FLT3: variants seen among roughly 807,000 people sequenced by gnomAD.
FLT3 encodes fms related receptor tyrosine kinase 3.
In FLT3, 46 loss-of-function variants were observed where a neutral mutation model predicts 126.6. That is an observed-to-expected ratio of 0.36 (90% CI 0.29 to 0.46). The LOEUF (loss-of-function observed/expected upper bound fraction) is 0.46. Among genes scored for constraint, FLT3 ranks in the 20% least tolerant of loss-of-function variants. FLT3 has a pLI of 1.00. For missense variants in FLT3, 1,069 were observed against 1,190.3 expected, an observed-to-expected ratio of 0.90 and a Z score of 1.50; for synonymous variants, 404 against 434.4, an observed-to-expected ratio of 0.93 and a Z score of 0.87.
intron 23 of FLT3, among the ~76,000 whole-genome samples, chr13:28,006,467 T>C (rs1321732324): frequency 6.6e-6 from 1 of 152,130 alleles, no homozygotes; most frequent in Non-Finnish European, 1.5e-5. Context: ...AGCAGTTAGT[T>C]AGCATTTGTT....
chr13:28,056,118 G>T (rs184869914), intron 4 of FLT3, among the ~76,000 whole-genome samples: 2 of 152,042 alleles, frequency 1.3e-5, no homozygotes, highest in Non-Finnish European at 2.9e-5. Flanking sequence ...GGACTCTTGC[G>T]TGCTCTCTTC....
At chr13:28,081,301 CTT>C (rs1452108694) in intron 1 of FLT3, among the ~76,000 whole-genome samples, 1 of 36,518 alleles carries the variant, frequency 2.7e-5, no homozygotes, top group East Asian at 2.5e-3. Flanking sequence ...CTTAATTTCT[CTT>C]ATCAATGTTT....
At chr13:28,099,110 G>GGA (rs3057860) in intron 1 of FLT3, among the ~76,000 whole-genome samples, 1 of 152,040 alleles carries the variant, frequency 6.6e-6, no homozygotes, top group African/African-American at 2.4e-5. Flanking sequence ...AGAAATATCT[G>GGA]GAGAGAGAGA....
chr13:28,018,382 C>T lies in FLT3; in HGVS notation c.2541+85G>A, dbSNP rs1872073080. 17 of 1,479,382 alleles carry T rather than the reference C, an allele frequency of 1.1e-5. 1 individual carries two copies. The South Asian group carries it at 1.3e-4, about 11-fold the overall frequency. The allele number at this position is 1,479,382 out of a possible 1,614,324, so 91.6% of individuals were successfully genotyped here. A position where few individuals can be genotyped will look rare whatever the true frequency, so the allele number is the denominator to read the frequency against. ...TTGATGTTACCATAAATCAAAAATGCACCACAGTGAGTGCAGTTGTTTACC... is the reference window on the plus strand; with the variant it reads ...TTGATGTTACCATAAATCAAAAATGTACCACAGTGAGTGCAGTTGTTTACC... On this transcript the variant is annotated intron_variant, in intron 20 of 23. Transcript: ENST00000241453.
At chr13:28,096,343 G>C (rs955262895) in intron 1 of FLT3, among the ~76,000 whole-genome samples, 2 of 152,040 alleles carry the variant, frequency 1.3e-5, no homozygotes, top group Non-Finnish European at 2.9e-5. Flanking sequence ...GATAGGGCCA[G>C]GTCTTGTCTC....
At chr13:28,075,351 T>C (rs1877856444) in intron 1 of FLT3, among the ~76,000 whole-genome samples, 1 of 152,156 alleles carries the variant, frequency 6.6e-6, no homozygotes, top group East Asian at 1.9e-4. Context: ...TCTGAGTTGG[T>C]CATTACACAT....
At chr13:28,068,722 T>G (rs1162647495) in intron 2 of FLT3, among the ~76,000 whole-genome samples, 1 of 152,064 alleles carries the variant, frequency 6.6e-6, no homozygotes, top group Non-Finnish European at 1.5e-5. Context: ...CACACCACCA[T>G]GGCTGGTTAA....
At chr13:28,025,246 A>G (rs1455547831) in intron 17 of FLT3, 4 of 422,894 alleles carry the variant, frequency 9.5e-6, no homozygotes, top group African/African-American at 2.0e-5. Flanking sequence ...AATTAGGCAC[A>G]GTGAGATAAA....
intron 1 of FLT3, among the ~76,000 whole-genome samples, chr13:28,099,893 T>C (rs572635930): frequency 3.6e-4 from 55 of 152,324 alleles, no homozygotes; most frequent in African/African-American, 1.2e-3. Context: ...CTAGGTAAAC[T>C]ATTCGTTGAT....
intron 23 of FLT3, among the ~76,000 whole-genome samples, chr13:28,014,008 T>C (rs568578353): frequency 8.7e-4 from 133 of 152,226 alleles, no homozygotes; most frequent in Non-Finnish European, 1.6e-3. Flanking sequence ...GAGGAGCTCA[T>C]GCCCTGTGAT....
At chr13:28,086,055 A>G (rs1317627305) in intron 1 of FLT3, among the ~76,000 whole-genome samples, 1 of 152,222 alleles carries the variant, frequency 6.6e-6, no homozygotes. Context: ...CTTTTTAATT[A>G]TGATATTTAG....
chr13:28,011,575 A>C (rs1871365180), intron 23 of FLT3, among the ~76,000 whole-genome samples: 1 of 151,160 alleles, frequency 6.6e-6, no homozygotes, highest in African/African-American at 2.4e-5. Flanking sequence ...CTCCTCCTTC[A>C]GACTGGCTTA....
intron 1 of FLT3, among the ~76,000 whole-genome samples, chr13:28,097,281 T>C (rs1299347814): frequency 2.0e-5 from 3 of 152,004 alleles, no homozygotes; most frequent in Non-Finnish European, 4.4e-5. Flanking sequence ...AAAATGGGTA[T>C]TCAATTAAAG....
chr13:28,063,371 T>G (rs952176172), intron 2 of FLT3, among the ~76,000 whole-genome samples: 4 of 152,056 alleles, frequency 2.6e-5, no homozygotes, highest in African/African-American at 9.7e-5. Flanking sequence ...TCCCAGCTAC[T>G]CAGGAGGCTG....
At chr13:28,094,059 T>C (rs1213418956) in intron 1 of FLT3, among the ~76,000 whole-genome samples, 1 of 152,246 alleles carries the variant, frequency 6.6e-6, no homozygotes, top group Non-Finnish European at 1.5e-5. Flanking sequence ...AGCTGTGCTT[T>C]ACAAGTATTA....
At chr13:28,017,974 T>C (rs1314258197) in intron 20 of FLT3, among the ~76,000 whole-genome samples, 1 of 152,210 alleles carries the variant, frequency 6.6e-6, no homozygotes, top group Non-Finnish European at 1.5e-5. Flanking sequence ...AATTCACTCA[T>C]GTTTTAGATC....
chr13:28,091,744 G>A (rs1452370015), intron 1 of FLT3, among the ~76,000 whole-genome samples: 1 of 152,118 alleles, frequency 6.6e-6, no homozygotes, highest in Non-Finnish European at 1.5e-5. Context: ...AGACCAGCCT[G>A]GGTAACACAG....
At chr13:28,097,207 C>T (rs746519885) in intron 1 of FLT3, among the ~76,000 whole-genome samples, 3 of 146,890 alleles carry the variant, frequency 2.0e-5, no homozygotes, top group Non-Finnish European at 3.0e-5. Flanking sequence ...CAAAGGGAGA[C>T]TGTCGAAAGA....
At chr13:28,055,710 T>C (rs953290727) in intron 4 of FLT3, among the ~76,000 whole-genome samples, 1 of 152,226 alleles carries the variant, frequency 6.6e-6, no homozygotes, top group African/African-American at 2.4e-5. Flanking sequence ...GAAAGGAATA[T>C]ACCCTAAGTA....
Sources: allele counts gnomAD v4.1 joint callset (sites outside exome capture counted in the v4.1 genomes callset), GRCh38; gene constraint gnomAD v4.1.1; transcripts MANE v1.5; gene names NCBI Gene and HGNC (gene_info 2026-07-23, HGNC 2026-07-21).